BACH2: variants seen among roughly 807,000 people sequenced by gnomAD.
BACH2 encodes transcription regulator protein BACH2.
BACH2 carries 5 observed loss-of-function variants against 61.8 expected under a neutral mutation model. The observed-to-expected ratio is 0.08, with a 90% CI of 0.04 to 0.17. BACH2 has a LOEUF of 0.17. BACH2 is among the 10% of genes least tolerant of loss of function. The probability of loss-of-function intolerance (pLI) is 1.00; values close to 1 mark genes in which losing one functional copy is unlikely to be tolerated. For missense variants in BACH2, 824 were observed against 1,091.1 expected, an observed-to-expected ratio of 0.76 and a Z score of 3.45; for synonymous variants, 446 against 440.1, an observed-to-expected ratio of 1.01 and a Z score of -0.17.
rs148028918 is a variant in BACH2 at position 89,950,603 on chromosome 6, C to T, written c.1503G>A (p.Pro501=). The stretch of plus-strand genomic sequence containing the variant: ...AGCGAGGGCAGACTTTGATTGGTAC[C>T]GGGCAGCTGGTGTTGGGCCGCATCC... ...PGRMRPNTSC[P]VPIKVCPRSP... The change falls in exon 7 of 9, where the codon CCG becomes CCA. Residue 501 remains proline, a synonymous_variant. Coordinates refer to ENST00000257749, the MANE Select transcript of BACH2 (RefSeq NM_021813.4). This position sits in a 1 kb window ranked among gnomAD's most constrained non-coding sequence, Gnocchi z 5.3. The T allele has an allele frequency of 1.6e-3, 2,558 of 1,613,448 alleles. 20 individuals carry two copies. Among genetic ancestry groups the T allele is most frequent in the South Asian group, 0.011 (1,046 of 91,008 alleles).
chr6:89,950,506 C>A lies in BACH2; in HGVS notation c.1600G>T (p.Gly534Trp). Residue 534 changes from glycine (G) to tryptophan (W), a missense_variant, in exon 7 of 9, where the codon GGG becomes TGG. By Grantham distance (184) the Gly-to-Trp change is radical (BLOSUM62 -2). This residue lies in a region of BACH2 where 160 missense variants were observed against 283.5 expected (regional missense o/e 0.56). Coordinates refer to ENST00000257749, the MANE Select transcript of BACH2 (RefSeq NM_021813.4). This position sits in a 1 kb window ranked among gnomAD's most constrained non-coding sequence, Gnocchi z 5.3. ...AGAGGGAGGCTGCAGGGTGAGCCCC[C>A]GCTCCCGTCCTCCGCGTAGGAATAG... ...SSYSYAEDGS[G>W]GSPCSLPLCE... 1 of 1,613,900 alleles carries A rather than the reference C, an allele frequency of 6.2e-7. No individual in the cohort carries two copies. The highest frequency in any genetic ancestry group is 1.1e-5 in the South Asian group (1 of 91,074).
chr6:90,149,847 C>T (rs2127829517), intron 4 of BACH2, among the ~76,000 whole-genome samples: 1 of 152,302 alleles, frequency 6.6e-6, no homozygotes, highest in East Asian at 1.9e-4. Context: ...TAACAGTGAG[C>T]TGCTGCTATC....
At chr6:90,281,708 G>A (rs1771864316) in intron 1 of BACH2, among the ~76,000 whole-genome samples, 1 of 151,860 alleles carries the variant, frequency 6.6e-6, no homozygotes, top group Non-Finnish European at 1.5e-5. Flanking sequence ...CATATTGTTT[G>A]TAAGATTCAT....
chr6:90,087,535 TCTA>T (rs1781987078), intron 5 of BACH2, among the ~76,000 whole-genome samples: 1 of 152,182 alleles, frequency 6.6e-6, no homozygotes, highest in Admixed American at 6.5e-5. Context: ...GTCAAACTCT[TCTA>T]CTTTTTTCTA....
chr6:90,233,253 A>G (rs928071665), intron 3 of BACH2, among the ~76,000 whole-genome samples: 1 of 152,314 alleles, frequency 6.6e-6, no homozygotes, highest in East Asian at 1.9e-4. Context: ...CAGAAGACAC[A>G]TAAGTTCCCT....
At chr6:89,956,961 C>T (rs1213396108) in intron 6 of BACH2, among the ~76,000 whole-genome samples, 1 of 152,106 alleles carries the variant, frequency 6.6e-6, no homozygotes, top group African/African-American at 2.4e-5. Context: ...CCCTTAATCA[C>T]AACTTCACAA....
intron 4 of BACH2, among the ~76,000 whole-genome samples, chr6:90,157,621 C>G (rs565901196): frequency 3.3e-5 from 5 of 152,272 alleles, no homozygotes; most frequent in Non-Finnish European, 7.4e-5. Context: ...ATGAGCCAAG[C>G]TGATGACCAG....
At chr6:90,280,125 G>GA (rs1771814559) in intron 1 of BACH2, among the ~76,000 whole-genome samples, 1 of 151,882 alleles carries the variant, frequency 6.6e-6, no homozygotes, top group African/African-American at 2.4e-5. Context: ...TGTATAAGAA[G>GA]AAAAAATATG....
At chr6:90,057,351 G>A (rs772930436) in intron 5 of BACH2, among the ~76,000 whole-genome samples, 26 of 152,092 alleles carry the variant, frequency 1.7e-4, no homozygotes, top group African/African-American at 6.0e-4. Context: ...ACACCTCTAC[G>A]CAAATAAACT....
intron 4 of BACH2, among the ~76,000 whole-genome samples, chr6:90,166,449 T>G (rs930083587): frequency 5.3e-5 from 8 of 152,208 alleles, no homozygotes; most frequent in Non-Finnish European, 7.3e-5. Context: ...ACTTTTACAC[T>G]GTTCGTGGGA....
At chr6:90,072,806 C>A (rs1009135159) in intron 5 of BACH2, among the ~76,000 whole-genome samples, 3 of 152,158 alleles carry the variant, frequency 2.0e-5, no homozygotes, top group African/African-American at 7.2e-5. Context: ...AAGTCCCAAA[C>A]AACCCTGAAA....
chr6:90,059,557 G>A (rs1045128896), intron 5 of BACH2, among the ~76,000 whole-genome samples: 1 of 152,216 alleles, frequency 6.6e-6, no homozygotes, highest in Non-Finnish European at 1.5e-5. Flanking sequence ...CATTGTGGAA[G>A]TCAGTGTGGT....
At chr6:90,027,070 T>C (rs868845112) in intron 5 of BACH2, among the ~76,000 whole-genome samples, 37 of 152,254 alleles carry the variant, frequency 2.4e-4, no homozygotes, top group Admixed American at 2.2e-3. Flanking sequence ...TGTTTTTCCA[T>C]TTAAAAATGA....
chr6:90,090,694 T>G (rs771282711), intron 4 of BACH2, among the ~76,000 whole-genome samples: 7 of 152,152 alleles, frequency 4.6e-5, no homozygotes, highest in Non-Finnish European at 1.0e-4. Context: ...GGGGGAGCTG[T>G]GACTTGTCCA....
chr6:90,241,134 CAA>C (rs1180464043), intron 3 of BACH2, among the ~76,000 whole-genome samples: 17 of 56,260 alleles, frequency 3.0e-4, no homozygotes, highest in Admixed American at 6.0e-4. Context: ...GACTCCAACT[CAA>C]AAAAAAAAAA....
In BACH2 at chr6:89,950,188, G is replaced by A. The variant is rs760554569; in HGVS notation, c.1836+82C>T. On this transcript the variant is annotated intron_variant, in intron 7 of 8. Coordinates refer to ENST00000257749, the MANE Select transcript of BACH2 (RefSeq NM_021813.4). The surrounding 1 kb of genome is among the most constrained non-coding windows in gnomAD (Gnocchi z 5.3). ...TAATCTTAGCACGTAAGAACAATGT[G>A]GGAGTGGTGGGGGGCAGGGAGTAGT... 3 of 1,458,940 alleles carry A rather than the reference G, an allele frequency of 2.1e-6. No individual in the cohort carries two copies. The highest frequency in any genetic ancestry group is 1.7e-5 in the Admixed American group (1 of 59,732). 90.4% of individuals were successfully genotyped at this position (1,458,940 alleles called of 1,614,324 possible). A position where few individuals can be genotyped will look rare whatever the true frequency, so the allele number is the denominator to read the frequency against.
chr6:90,155,333 A>G (rs1784960606), intron 4 of BACH2, among the ~76,000 whole-genome samples: 1 of 152,254 alleles, frequency 6.6e-6, no homozygotes, highest in Non-Finnish European at 1.5e-5. Context: ...GTTATGTTTA[A>G]CTATAAACAC....
At chr6:90,296,019 G>C (rs2127897254) in intron 1 of BACH2, among the ~76,000 whole-genome samples, 1 of 152,208 alleles carries the variant, frequency 6.6e-6, no homozygotes, top group South Asian at 2.1e-4. Context: ...CCTGGAGCTG[G>C]GATCGCAGGC....
intron 2 of BACH2, among the ~76,000 whole-genome samples, chr6:90,259,493 T>C (rs1396021756): frequency 1.3e-5 from 2 of 152,238 alleles, no homozygotes; most frequent in African/African-American, 4.8e-5. Flanking sequence ...CTGGGGCTTT[T>C]TGCACCAATA....
Sources: allele counts gnomAD v4.1 joint callset (sites outside exome capture counted in the v4.1 genomes callset), GRCh38; gene constraint gnomAD v4.1.1; regional missense constraint gnomAD v4.1.1; non-coding constraint Gnocchi (gnomAD v3.1); transcripts MANE v1.5; gene names NCBI Gene and HGNC (gene_info 2026-07-23, HGNC 2026-07-21).